Variants in SCAPER observed in about 807,000 individuals in gnomAD.
The protein encoded by SCAPER is S phase cyclin A-associated protein in the endoplasmic reticulum.
A neutral mutation model predicts 182.2 loss-of-function variants in SCAPER; 98 were observed. That is an observed-to-expected ratio of 0.54 (90% CI 0.46 to 0.64). The LOEUF (loss-of-function observed/expected upper bound fraction) is 0.64. Ranked by LOEUF, SCAPER falls within the 30% of genes least tolerant of loss-of-function variation. The pLI is 0.00. For synonymous variants in SCAPER, 605 were observed against 564.6 expected (o/e 1.07, Z -1.01); for missense variants, 1,432 against 1,690.0 (o/e 0.85, Z 2.68).
At chr15:76,411,233 T>C (rs2142216874) in intron 26 of SCAPER, among the ~76,000 whole-genome samples, 1 of 152,280 alleles carries the variant, frequency 6.6e-6, no homozygotes, top group East Asian at 1.9e-4. Context: ...TTTCTTTATA[T>C]TGTTGATTAG....
At chr15:76,479,856 G>A (rs1003530533) in intron 24 of SCAPER, among the ~76,000 whole-genome samples, 6 of 152,174 alleles carry the variant, frequency 3.9e-5, no homozygotes, top group Non-Finnish European at 8.8e-5. Flanking sequence ...ACTGCCAAAG[G>A]CAATTTCACA....
chr15:76,542,277 C>T (rs2044827957), intron 23 of SCAPER, among the ~76,000 whole-genome samples: 1 of 152,002 alleles, frequency 6.6e-6, no homozygotes. Flanking sequence ...AATCTCAGCA[C>T]TTTGGGAGGC....
At chr15:76,879,928 G>A (rs1428044116) in intron 2 of SCAPER, among the ~76,000 whole-genome samples, 2 of 152,058 alleles carry the variant, frequency 1.3e-5, no homozygotes, top group East Asian at 3.9e-4. Context: ...TGAAGGACTA[G>A]GTTTTGTTCA....
chr15:76,842,323 C>T (rs555305895), intron 4 of SCAPER, among the ~76,000 whole-genome samples: 26 of 152,152 alleles, frequency 1.7e-4, no homozygotes, highest in Non-Finnish European at 3.1e-4. Context: ...ATAATCCCCA[C>T]GTGTAAAGGG....
chr15:76,618,319 G>T (rs1425160809), intron 22 of SCAPER, among the ~76,000 whole-genome samples: 4 of 152,156 alleles, frequency 2.6e-5, no homozygotes, highest in Non-Finnish European at 5.9e-5. Context: ...TTATTCATGT[G>T]TGAGTGCAGC....
At chr15:76,636,252 C>A (rs2146310615) in intron 21 of SCAPER, among the ~76,000 whole-genome samples, 1 of 152,276 alleles carries the variant, frequency 6.6e-6, no homozygotes, top group Middle Eastern at 3.4e-3. Flanking sequence ...TGGCCTCCAT[C>A]ATCTCCAGTG....
chr15:76,611,859 T>C (rs868796320), intron 22 of SCAPER, among the ~76,000 whole-genome samples: 5 of 152,184 alleles, frequency 3.3e-5, no homozygotes, highest in Non-Finnish European at 7.4e-5. Flanking sequence ...ATTATCTCAA[T>C]AGGTGCAGAA....
intron 25 of SCAPER, among the ~76,000 whole-genome samples, chr15:76,450,242 G>A (rs552470786): frequency 6.6e-6 from 1 of 152,086 alleles, no homozygotes; most frequent in Admixed American, 6.5e-5. Context: ...ATTAAATTAC[G>A]TTCACTTAAA....
chr15:76,423,687 C>T (rs2046218773), intron 26 of SCAPER, among the ~76,000 whole-genome samples: 1 of 152,044 alleles, frequency 6.6e-6, no homozygotes, highest in Non-Finnish European at 1.5e-5. Flanking sequence ...GCTCTTGCTT[C>T]TCTAGTTCTT....
intron 22 of SCAPER, among the ~76,000 whole-genome samples, chr15:76,574,669 G>A (rs944556277): frequency 6.6e-6 from 1 of 152,134 alleles, no homozygotes; most frequent in African/African-American, 2.4e-5. Flanking sequence ...TTAAATCTTC[G>A]AATATTATTA....
At chr15:76,735,977 G>C (rs1215188954) in intron 15 of SCAPER, among the ~76,000 whole-genome samples, 1 of 152,086 alleles carries the variant, frequency 6.6e-6, no homozygotes, top group Non-Finnish European at 1.5e-5. Context: ...ATCAACCATA[G>C]ATAAAAAATG....
Position 76,862,539 on chromosome 15 carries a change from T to C in SCAPER, c.7-6A>G. The C allele has an allele frequency of 6.4e-7, 1 of 1,553,120 alleles. No individual in the cohort carries two copies. Among genetic ancestry groups the C allele is most frequent in the African/African-American group, 1.4e-5 (1 of 73,666 alleles). ...TTGGAGCGCTGGAATGAAGCCTATG[T>C]ATGGAAAAGATGGTACTTATTAGAT... On this transcript the variant is annotated splice_polypyrimidine_tract_variant and splice_region_variant and intron_variant, in intron 2 of 31. Coordinates refer to ENST00000563290, the MANE Select transcript of SCAPER (RefSeq NM_020843.4).
At chr15:76,814,456 A>C (rs569177691) in intron 5 of SCAPER, among the ~76,000 whole-genome samples, 1 of 152,306 alleles carries the variant, frequency 6.6e-6, no homozygotes, top group Non-Finnish European at 1.5e-5. Flanking sequence ...GCCCAGAAAT[A>C]AACTCAAGCA....
At chr15:76,358,305 T>C (rs2041148290) in intron 29 of SCAPER, among the ~76,000 whole-genome samples, 2 of 152,224 alleles carry the variant, frequency 1.3e-5, no homozygotes, top group African/African-American at 4.8e-5. Flanking sequence ...CTTTTGGTCT[T>C]CAAAGCAGAG....
intron 4 of SCAPER, among the ~76,000 whole-genome samples, chr15:76,848,188 C>T (rs921855154): frequency 4.0e-5 from 6 of 151,302 alleles, no homozygotes; most frequent in East Asian, 2.0e-4. Context: ...TTTGTAGAAA[C>T]GGGGTTTCAC....
At chr15:76,859,091 CA>C (rs2071654371) in intron 3 of SCAPER, among the ~76,000 whole-genome samples, 1 of 152,234 alleles carries the variant, frequency 6.6e-6, no homozygotes, top group South Asian at 2.1e-4. Context: ...TTCTCACCAG[CA>C]GTGTGTAAGT....
chr15:76,608,161 G>T (rs1057080687), intron 22 of SCAPER, among the ~76,000 whole-genome samples: 1 of 151,992 alleles, frequency 6.6e-6, no homozygotes, highest in Admixed American at 6.6e-5. Context: ...TCTACCTTTG[G>T]TCTTTGATGA....
rs772755467 is a variant in SCAPER, at chr15:76,354,172, C to T, written c.3856-32G>A. ...TGGAAGAGCAGCCCAGGTCAGCTGC[C>T]GAAACGCCCCAGCCTGTCCCTCACC... On this transcript the variant is annotated intron_variant, in intron 29 of 31. Coordinates refer to ENST00000563290, the MANE Select transcript of SCAPER (RefSeq NM_020843.4). This position sits in a 1 kb window ranked among gnomAD's most constrained non-coding sequence, Gnocchi z 4.4. The T allele has an allele frequency of 4.4e-6, 7 of 1,582,160 alleles. No individual in the cohort carries two copies. Among genetic ancestry groups the T allele is most frequent in the South Asian group, 2.3e-5 (2 of 85,484 alleles).
Position 76,504,156 on chromosome 15 carries a change from G to A in SCAPER, c.2954+703C>T, listed in dbSNP as rs369609276. Among the ~76,000 whole-genome samples the A allele has an allele frequency of 2.3e-3, 343 of 152,152 alleles. 15 individuals are homozygous for A. The South Asian group carries it at 0.065, about 29-fold the overall frequency. On this transcript the variant is annotated intron_variant, in intron 24 of 31. Transcript: ENST00000563290. ...TCCTGCCTTGACCTCCCAAAGTGCTGGGATCATAGATGTGAGCCATTGCGC... is the reference window on the plus strand; with the variant it reads ...TCCTGCCTTGACCTCCCAAAGTGCTAGGATCATAGATGTGAGCCATTGCGC...
Sources: allele counts gnomAD v4.1 joint callset (sites outside exome capture counted in the v4.1 genomes callset), GRCh38; gene constraint gnomAD v4.1.1; non-coding constraint Gnocchi (gnomAD v3.1); transcripts MANE v1.5; gene names NCBI Gene and HGNC (gene_info 2026-07-23, HGNC 2026-07-21).